PRR5: variants seen among roughly 807,000 people sequenced by gnomAD.
The protein encoded by PRR5 is proline-rich protein 5.
A neutral mutation model predicts 30.6 loss-of-function variants in PRR5; 25 were observed. The observed-to-expected ratio is 0.82, with a 90% CI of 0.60 to 1.14. The LOEUF is 1.14. Ranked by LOEUF, PRR5 falls within the 50% of genes most tolerant of loss-of-function variation. PRR5 has a pLI of 0.00. For synonymous variants in PRR5, 286 were observed against 247.1 expected, an observed-to-expected ratio of 1.16 and a Z score of -1.48; for missense variants, 600 against 547.1, an observed-to-expected ratio of 1.10 and a Z score of -0.96.
chr22:44,678,925 C>A (rs1299829182), intron 1 of PRR5, among the ~76,000 whole-genome samples: 1 of 152,210 alleles, frequency 6.6e-6, no homozygotes, highest in East Asian at 1.9e-4. Context: ...GACATCAGGG[C>A]ACCTGCGTTA....
intron 1 of PRR5, among the ~76,000 whole-genome samples, chr22:44,685,570 CCCCTCTCCCCAGTGAAAGCCACA>C (rs1569067184): frequency 5.5e-5 from 7 of 127,628 alleles, no homozygotes; most frequent in Non-Finnish European, 8.3e-5. Context: ...GAAAGCCACA[CCCCTCTCCCCAGTGAAAGCCACA>C]CCCTCTCCCC....
At chr22:44,733,454 G>A (rs1185761826) in intron 6 of PRR5, among the ~76,000 whole-genome samples, 1 of 152,220 alleles carries the variant, frequency 6.6e-6, no homozygotes, top group African/African-American at 2.4e-5. Flanking sequence ...ATTAGGGTCT[G>A]TGAGGACACT....
intron 4 of PRR5, chr22:44,730,317 A>G: frequency 2.0e-6 from 2 of 985,362 alleles, no homozygotes; most frequent in Non-Finnish European, 2.4e-6. Flanking sequence ...CCACACCAAG[A>G]TCTCTCTCGC....
intron 1 of PRR5, among the ~76,000 whole-genome samples, chr22:44,687,968 T>A (rs1375668135): frequency 6.9e-6 from 1 of 145,782 alleles, no homozygotes. Context: ...AGAGACGGGG[T>A]TTCACCCTGT....
chr22:44,731,707 G>A, intron 4 of PRR5, 23 bp from the exon 5 acceptor site: 3 of 1,612,704 alleles, frequency 1.9e-6, no homozygotes, highest in Non-Finnish European at 2.5e-6. Flanking sequence ...CAGGCCCAGT[G>A]GTGATGGCCC....
chr22:44,729,679 C>G (rs761860157), intron 4 of PRR5: 22 of 985,390 alleles, frequency 2.2e-5, no homozygotes, highest in Non-Finnish European at 2.4e-5. Flanking sequence ...CCCCACAGGA[C>G]AGGCCCCGGC....
chr22:44,688,105 C>T (rs890715770), intron 1 of PRR5, among the ~76,000 whole-genome samples: 7 of 150,280 alleles, frequency 4.7e-5, no homozygotes, highest in Middle Eastern at 3.4e-3. Context: ...TTTTCCTAGC[C>T]GGGTGCAGTG....
At chr22:44,689,253 C>G (rs1443278539) in intron 1 of PRR5, among the ~76,000 whole-genome samples, 1 of 152,174 alleles carries the variant, frequency 6.6e-6, no homozygotes, top group East Asian at 1.9e-4. Context: ...CCACCTGCGT[C>G]CAGTTAGTCT....
chr22:44,701,868 G>C (rs936192454), upstream of PRR5, among the ~76,000 whole-genome samples: 1 of 152,130 alleles, frequency 6.6e-6, no homozygotes, highest in African/African-American at 2.4e-5. Context: ...GCTGTGGAGG[G>C]AGACCTCCGG....
At chr22:44,729,327 C>T (rs545175149) in intron 4 of PRR5, 6 of 982,764 alleles carry the variant, frequency 6.1e-6, no homozygotes, top group Non-Finnish European at 7.3e-6. Flanking sequence ...CTGCACAGGG[C>T]CCTCAGCACT....
intron 4 of PRR5, among the ~76,000 whole-genome samples, chr22:44,728,500 A>G (rs1921279687): frequency 6.6e-6 from 1 of 152,320 alleles, no homozygotes; most frequent in South Asian, 2.1e-4. Flanking sequence ...GATTAATGTC[A>G]TTGTGAAGGA....
chr22:44,709,892 C>A (rs577561628), intron 1 of PRR5, among the ~76,000 whole-genome samples: 94 of 152,252 alleles, frequency 6.2e-4, no homozygotes, highest in Non-Finnish European at 1.2e-3. Flanking sequence ...ACCTCAGAAC[C>A]GTAAGGGAAC....
Position 44,737,194 on chromosome 22 carries a change from G to T in PRR5, c.1114G>T (p.Gly372Cys), listed in dbSNP as rs1923445184. 2 of 1,611,396 alleles carry T rather than the reference G, an allele frequency of 1.2e-6. No homozygotes were observed. The highest frequency in any genetic ancestry group is 1.7e-6 in the Non-Finnish European group (2 of 1,178,976). ...GIFIDFGRGR[G>C]SGMSDLEGSG... is the part of the protein sequence containing the mutation. ...TTTCATTGACTTTGGCCGGGGCCGG[G>T]GCTCTGGCATGTCCGACTTGGAGGG... Residue 372 changes from glycine to cysteine, a missense_variant, in exon 8 of 8, where the codon GGC becomes TGC. Transcript: ENST00000336985.
intron 1 of PRR5, among the ~76,000 whole-genome samples, chr22:44,709,403 C>G (rs575642270): frequency 6.6e-6 from 1 of 152,080 alleles, no homozygotes; most frequent in Admixed American, 6.6e-5. Context: ...GAAGGTGTCA[C>G]GCTGCTGGCT....
At chr22:44,686,682 A>G (rs1924783783) in intron 1 of PRR5, among the ~76,000 whole-genome samples, 1 of 152,094 alleles carries the variant, frequency 6.6e-6, no homozygotes, top group Admixed American at 6.6e-5. Flanking sequence ...CGCCCAGCTA[A>G]TTTTTGTATT....
rs1926419950 is a variant in PRR5 at position 44,702,224 on chromosome 22, C to G, written c.-251C>G. On this transcript the variant is annotated 5_prime_UTR_variant, in exon 1 of 8. Coordinates refer to ENST00000336985, the MANE Select transcript of PRR5 (RefSeq NM_181333.4). ...CCCCCGGCCTCCGTTTGCGCCGGGT[C>G]TGTGCTGGCCGCGCGCCTGGCGCTC... 36 of 1,101,226 alleles carry G rather than the reference C, an allele frequency of 3.3e-5. No homozygotes were observed. The highest frequency in any genetic ancestry group is 4.0e-5 in the Non-Finnish European group (36 of 903,452). The allele number at this position is 1,101,226 out of a possible 1,614,324, so 68.2% of individuals were successfully genotyped here.
chr22:44,688,215 C>T (rs1370890035), intron 1 of PRR5, among the ~76,000 whole-genome samples: 1 of 151,634 alleles, frequency 6.6e-6, no homozygotes, highest in East Asian at 2.0e-4. Context: ...GAAACCCCGT[C>T]TCTACTAAAA....
intron 1 of PRR5, among the ~76,000 whole-genome samples, chr22:44,707,492 T>G (rs1927413102): frequency 1.3e-5 from 2 of 152,208 alleles, no homozygotes; most frequent in Admixed American, 6.5e-5. Flanking sequence ...GCTCTGTGCT[T>G]GTGCCCTAGG....
intron 4 of PRR5, among the ~76,000 whole-genome samples, chr22:44,728,945 G>A (rs1282072424): frequency 6.6e-6 from 1 of 152,226 alleles, no homozygotes; most frequent in African/African-American, 2.4e-5. Flanking sequence ...CCCTAGGAAG[G>A]GGAGGAAGAC....
Sources: allele counts gnomAD v4.1 joint callset (sites outside exome capture counted in the v4.1 genomes callset), GRCh38; gene constraint gnomAD v4.1.1; transcripts MANE v1.5; gene names NCBI Gene and HGNC (gene_info 2026-07-23, HGNC 2026-07-21).